The following DMRT1 variants were observed in gnomAD, a reference collection of about 807,000 sequenced individuals.
DMRT1 encodes doublesex and mab-3 related transcription factor 1.
A neutral mutation model predicts 32.3 loss-of-function variants in DMRT1; 7 were observed. That is an observed-to-expected ratio of 0.22 (90% CI 0.12 to 0.41). DMRT1 has a LOEUF of 0.41. Among genes scored for constraint, DMRT1 ranks in the 10% least tolerant of loss-of-function variants. DMRT1 has a pLI of 1.00. For synonymous variants in DMRT1, 278 were observed against 206.1 expected (o/e 1.35, Z -2.99); for missense variants, 625 against 500.5 (o/e 1.25, Z -2.37).
At chr9:856,600 A>G (rs1035691101) in intron 2 of DMRT1, among the ~76,000 whole-genome samples, 1 of 152,230 alleles carries the variant, frequency 6.6e-6, no homozygotes, top group African/African-American at 2.4e-5. Flanking sequence ...GTAATATTTC[A>G]TCATATGGAT....
intron 4 of DMRT1, among the ~76,000 whole-genome samples, chr9:924,496 C>T (rs1818459709): frequency 6.6e-6 from 1 of 152,172 alleles, no homozygotes; most frequent in African/African-American, 2.4e-5. Flanking sequence ...TGTCATCTCT[C>T]ATATACTTGT....
At chr9:956,514 T>C (rs1301170273) in intron 4 of DMRT1, among the ~76,000 whole-genome samples, 1 of 150,240 alleles carries the variant, frequency 6.7e-6, no homozygotes, top group African/African-American at 2.5e-5. Flanking sequence ...CAGTGAGTTA[T>C]GATTGAGCCA....
At chr9:948,128 G>A (rs1220096227) in intron 4 of DMRT1, among the ~76,000 whole-genome samples, 1 of 152,126 alleles carries the variant, frequency 6.6e-6, no homozygotes, top group Non-Finnish European at 1.5e-5. Context: ...ACAGAATGTG[G>A]GCCTCCTGTG....
At chr9:863,313 G>A (rs1227168618) in intron 2 of DMRT1, among the ~76,000 whole-genome samples, 3 of 103,024 alleles carry the variant, frequency 2.9e-5, no homozygotes, top group South Asian at 3.7e-4. Context: ...GTGAGGCCAC[G>A]TCTCTTAAAA....
chr9:868,501 C>T (rs780414719), intron 2 of DMRT1, among the ~76,000 whole-genome samples: 2 of 152,110 alleles, frequency 1.3e-5, no homozygotes, highest in Non-Finnish European at 2.9e-5. Context: ...AGTTACCAAA[C>T]CTGGAATCAA....
At chr9:876,279 G>A (rs1816496007) in intron 2 of DMRT1, among the ~76,000 whole-genome samples, 1 of 152,160 alleles carries the variant, frequency 6.6e-6, no homozygotes, top group South Asian at 2.1e-4. Flanking sequence ...TCCAGGATAA[G>A]GTAGAAGAGC....
At chr9:959,472 C>A (rs533784686) in intron 4 of DMRT1, among the ~76,000 whole-genome samples, 2 of 152,310 alleles carry the variant, frequency 1.3e-5, no homozygotes, top group East Asian at 3.9e-4. Context: ...AGAATTGATT[C>A]AAACACTTGT....
intron 1 of DMRT1, among the ~76,000 whole-genome samples, chr9:844,426 A>G (rs1337887404): frequency 6.6e-6 from 1 of 152,182 alleles, no homozygotes; most frequent in Non-Finnish European, 1.5e-5. Context: ...CATATGGAGT[A>G]GATACCTGTG....
At chr9:881,419 G>C (rs1222819137) in intron 2 of DMRT1, among the ~76,000 whole-genome samples, 1 of 152,180 alleles carries the variant, frequency 6.6e-6, no homozygotes. Context: ...TCTGGGGCCT[G>C]CAGGGACAAA....
intron 3 of DMRT1, among the ~76,000 whole-genome samples, chr9:911,474 T>TTTG (rs1282529828): frequency 4.5e-4 from 6 of 13,382 alleles, no homozygotes; most frequent in African/African-American, 3.9e-3. Context: ...AATTGCATTT[T>TTTG]TTTTTTTTTT....
chr9:877,668 C>G (rs1816559776), intron 2 of DMRT1, among the ~76,000 whole-genome samples: 1 of 152,140 alleles, frequency 6.6e-6, no homozygotes, highest in South Asian at 2.1e-4. Context: ...TGTAAAGTTT[C>G]TCTGTGTCTC....
intron 2 of DMRT1, among the ~76,000 whole-genome samples, chr9:861,662 T>C (rs1320728237): frequency 3.5e-5 from 5 of 143,026 alleles, no homozygotes; most frequent in Admixed American, 3.4e-4. Context: ...GGCTCCTCAC[T>C]TCCCAGACGG....
At chr9:926,639 C>G (rs2370161) in intron 4 of DMRT1, among the ~76,000 whole-genome samples, 105,939 of 151,774 alleles carry the variant, frequency 0.7, 37,910 homozygotes, top group South Asian at 0.86. Flanking sequence ...AGCAACTACA[C>G]AGAGGTTTTC....
intron 2 of DMRT1, among the ~76,000 whole-genome samples, chr9:891,676 G>T (rs1225112833): frequency 1.3e-5 from 2 of 149,512 alleles, no homozygotes; most frequent in African/African-American, 5.0e-5. Flanking sequence ...CACCACGCCT[G>T]GCTAATTTTT....
At chr9:891,280 C>A (rs1252412968) in intron 2 of DMRT1, among the ~76,000 whole-genome samples, 1 of 151,624 alleles carries the variant, frequency 6.6e-6, no homozygotes, top group Admixed American at 6.6e-5. Context: ...AACCCCGTCT[C>A]TACTTAAAAA....
rs747049940 is a variant in DMRT1 at position 847,163 on chromosome 9, G to A, written c.538+20G>A. 5.0e-6 allele frequency: 8 copies of A among 1,610,424 alleles called. No individual in the cohort carries two copies. Among genetic ancestry groups the A allele is most frequent in the East Asian group, 2.2e-5 (1 of 44,828 alleles). On this transcript the variant is annotated intron_variant, in intron 2 of 4. Transcript: ENST00000382276. ...CTTCAGGTAATCTGGAGGGGCTGGGGTTCACATGGAGGCTGGGCATGAGGG... is the reference window on the plus strand; with the variant it reads ...CTTCAGGTAATCTGGAGGGGCTGGGATTCACATGGAGGCTGGGCATGAGGG...
At chr9:934,398 GC>G (rs1176104309) in intron 4 of DMRT1, among the ~76,000 whole-genome samples, 1 of 152,148 alleles carries the variant, frequency 6.6e-6, no homozygotes, top group African/African-American at 2.4e-5. Context: ...GGATGTGATG[GC>G]ATGCATCTGT....
At chr9:911,767 C>T (rs964839475) in intron 3 of DMRT1, among the ~76,000 whole-genome samples, 6 of 152,186 alleles carry the variant, frequency 3.9e-5, no homozygotes, top group East Asian at 1.9e-4. Context: ...GTTGGGACTG[C>T]AGGCGTGAGC....
At chr9:900,915 AC>A (rs1817548336) in intron 3 of DMRT1, among the ~76,000 whole-genome samples, 1 of 151,768 alleles carries the variant, frequency 6.6e-6, no homozygotes, top group Non-Finnish European at 1.5e-5. Context: ...CTGGTCTTAA[AC>A]TTTTGGCTCA....
Sources: gnomAD v4.1 joint callset for allele counts (sites outside exome capture counted in the v4.1 genomes callset) on GRCh38, gnomAD v4.1.1 for gene constraint, MANE v1.5 for transcripts, NCBI Gene and HGNC (gene_info 2026-07-23, HGNC 2026-07-21) for gene names.